ERC2: variants seen among roughly 807,000 people sequenced by gnomAD.
ERC2 encodes ERC protein 2.
Under a neutral mutation model 114.8 loss-of-function variants are expected in ERC2, and 42 were observed. The ratio of observed to expected loss-of-function variants is 0.37; its 90% CI spans 0.29 to 0.47. ERC2 has a LOEUF of 0.47. Among genes scored for constraint, ERC2 ranks in the 20% least tolerant of loss-of-function variants. The pLI, the probability that ERC2 is intolerant of heterozygous loss-of-function variation, is 0.99. For missense variants in ERC2, 939 were observed against 1,150.7 expected, an observed-to-expected ratio of 0.82 and a Z score of 2.66; for synonymous variants, 454 against 425.5, an observed-to-expected ratio of 1.07 and a Z score of -0.82.
Position 55,864,186 on chromosome 3 carries a change from T to TATATATATACAC in ERC2, c.2564+24191_2564+24202dup, listed in dbSNP as rs1164062315. Among the ~76,000 whole-genome samples the TATATATATACAC allele has an allele frequency of 1.2e-3, 162 of 139,618 alleles. 2 individuals are homozygous for TATATATATACAC. The highest frequency in any genetic ancestry group is 4.0e-3 in the African/African-American group (143 of 36,090). 91.6% of individuals were successfully genotyped at this position (139,618 alleles called of 152,430 possible). A position where few individuals can be genotyped will look rare whatever the true frequency, so the allele number is the denominator to read the frequency against. On this transcript the variant is annotated intron_variant, in intron 14 of 17. Transcript: ENST00000288221. ...ATATATACACATATATATATACACA[T>TATATATATACAC]ATATATATACACATATATATACACA...
rs549264304 is a variant in ERC2, at chr3:56,140,238, C to T, written c.1306-562G>A. ...CCAAAAAATCCATAATTCAATTCAC[C>T]AAAAAAGATCACTAGAATTACCCAT... On this transcript the variant is annotated intron_variant, in intron 5 of 17. Coordinates refer to ENST00000288221, the MANE Select transcript of ERC2 (RefSeq NM_015576.3). 2.6e-5 allele frequency among the ~76,000 whole-genome samples: 4 copies of T among 152,116 alleles called. No homozygotes were observed. The East Asian group carries it at 7.7e-4, about 29-fold the overall frequency.
intron 16 of ERC2, among the ~76,000 whole-genome samples, chr3:55,694,746 G>A (rs2062842130): frequency 6.6e-6 from 1 of 152,176 alleles, no homozygotes; most frequent in African/African-American, 2.4e-5. Context: ...AGCGGCAAGT[G>A]CTTTAACACA....
At chr3:56,145,413 A>G (rs960291635) in intron 5 of ERC2, among the ~76,000 whole-genome samples, 2 of 152,188 alleles carry the variant, frequency 1.3e-5, no homozygotes, top group Admixed American at 1.3e-4. Context: ...TTCTTTCCCT[A>G]CCAGAAAAAC....
chr3:56,332,590 G>A (rs2057675886), intron 2 of ERC2, among the ~76,000 whole-genome samples: 1 of 152,192 alleles, frequency 6.6e-6, no homozygotes, highest in East Asian at 1.9e-4. Context: ...TCAAATATGG[G>A]AGTGGGACAC....
intron 14 of ERC2, among the ~76,000 whole-genome samples, chr3:55,845,698 A>C (rs1359732296): frequency 6.6e-6 from 1 of 152,228 alleles, no homozygotes; most frequent in Non-Finnish European, 1.5e-5. Context: ...ATGAGTCTGA[A>C]TCTATAAGCC....
chr3:56,431,429 CG>C (rs945205901), intron 2 of ERC2, among the ~76,000 whole-genome samples: 1 of 152,198 alleles, frequency 6.6e-6, no homozygotes, highest in Non-Finnish European at 1.5e-5. Context: ...GCTGTGGCAA[CG>C]TTTGAAGCCA....
At position 55,733,548 on chromosome 3, in the gene ERC2, A is replaced by T. The variant is rs1453392617; in HGVS notation, c.2712+1223T>A. Among the ~76,000 whole-genome samples the T allele has an allele frequency of 4.4e-3, 576 of 131,082 alleles. 12 individuals are homozygous for T. Among genetic ancestry groups the T allele is most frequent in the African/African-American group, 0.017 (548 of 32,014 alleles). 86.0% of individuals were successfully genotyped at this position (131,082 alleles called of 152,430 possible). ...CTCATTCTTTCTCTCTCTCTCACAC[A>T]CACACACACACACACACACACACAC... On this transcript the variant is annotated intron_variant, in intron 15 of 17. Coordinates refer to ENST00000288221, the MANE Select transcript of ERC2 (RefSeq NM_015576.3).
At chr3:56,463,551 G>C (rs1286225287) in intron 1 of ERC2, among the ~76,000 whole-genome samples, 1 of 152,200 alleles carries the variant, frequency 6.6e-6, no homozygotes, top group Non-Finnish European at 1.5e-5. Context: ...TGAATGTTGG[G>C]TAGGCAACCA....
At chr3:55,513,615 C>A (rs1230175895) in intron 17 of ERC2, among the ~76,000 whole-genome samples, 1 of 147,566 alleles carries the variant, frequency 6.8e-6, no homozygotes, top group East Asian at 2.0e-4. Context: ...AGCGTGTGTG[C>A]ATGTATGTAT....
chr3:56,358,522 C>T (rs2058828722), intron 2 of ERC2, among the ~76,000 whole-genome samples: 2 of 152,216 alleles, frequency 1.3e-5, no homozygotes. Context: ...TTCAATCTAG[C>T]TTACATAGTC....
chr3:56,348,481 A>AT (rs1429626032), intron 2 of ERC2, among the ~76,000 whole-genome samples: 37 of 148,766 alleles, frequency 2.5e-4, no homozygotes, highest in African/African-American at 8.3e-4. Context: ...AAATATATAT[A>AT]TTTTTATTTA....
At chr3:56,128,793 T>C (rs1338509390) in intron 6 of ERC2, among the ~76,000 whole-genome samples, 1 of 152,150 alleles carries the variant, frequency 6.6e-6, no homozygotes, top group East Asian at 1.9e-4. Context: ...CTGGCATTGC[T>C]GGGGCTGGGC....
At position 55,913,459 on chromosome 3, in the gene ERC2, T is replaced by C. The variant is rs78646138; in HGVS notation, c.2404-24910A>G. The stretch of plus-strand genomic sequence containing the variant: ...GAAGGACATGTACATCTTTATGGTT[T>C]AGTGCACATACCTATAAATTGGTCT... On this transcript the variant is annotated intron_variant, in intron 13 of 17. Coordinates refer to ENST00000288221, the MANE Select transcript of ERC2 (RefSeq NM_015576.3). Among the ~76,000 whole-genome samples the C allele has an allele frequency of 5.1e-3, 781 of 152,338 alleles. 2 individuals are homozygous for C. Among genetic ancestry groups the C allele is most frequent in the Middle Eastern group, 0.014 (4 of 294 alleles).
intron 2 of ERC2, among the ~76,000 whole-genome samples, chr3:56,387,453 C>T (rs2059974582): frequency 6.6e-6 from 1 of 151,992 alleles, no homozygotes; most frequent in Non-Finnish European, 1.5e-5. Flanking sequence ...GGCAGTGGAC[C>T]ATACTAAATA....
intron 17 of ERC2, among the ~76,000 whole-genome samples, chr3:55,648,041 C>T (rs550229519): frequency 6.6e-6 from 1 of 152,294 alleles, no homozygotes. Context: ...TACAGCAAGA[C>T]GATGGGGCCA....
At chr3:56,238,153 C>T (rs1181166858) in intron 3 of ERC2, among the ~76,000 whole-genome samples, 1 of 152,122 alleles carries the variant, frequency 6.6e-6, no homozygotes, top group Non-Finnish European at 1.5e-5. Flanking sequence ...TGTTTGTTTT[C>T]TTAATTTAAT....
rs190410108 is a variant in ERC2, at chr3:55,989,572, A to G, written c.2255+2485T>C. ...CTTGACTGTTTAGTGCTGCTGTACTAGCTTCTTTCTTCTGGCCCATTAGCG... is the reference window on the plus strand; with the variant it reads ...CTTGACTGTTTAGTGCTGCTGTACTGGCTTCTTTCTTCTGGCCCATTAGCG... On this transcript the variant is annotated intron_variant, in intron 11 of 17. Coordinates refer to ENST00000288221, the MANE Select transcript of ERC2 (RefSeq NM_015576.3). Among the ~76,000 whole-genome samples, 4 of 152,318 alleles carry G rather than the reference A, an allele frequency of 2.6e-5. No homozygotes were observed. In the East Asian group the frequency reaches 7.7e-4, roughly 29 times the overall value.
intron 15 of ERC2, among the ~76,000 whole-genome samples, chr3:55,701,322 T>C (rs2063214475): frequency 2.0e-5 from 3 of 152,194 alleles, no homozygotes; most frequent in Admixed American, 1.3e-4. Context: ...GGAGATTTTC[T>C]GGGTCATCCA....
chr3:55,808,733 AT>A (rs1274115760), intron 14 of ERC2, among the ~76,000 whole-genome samples: 1,724 of 117,572 alleles, frequency 0.015, 52 homozygotes, highest in East Asian at 0.053. Flanking sequence ...ATATATATAT[AT>A]ATATATATAA....
Sources: gnomAD v4.1 joint callset for allele counts (sites outside exome capture counted in the v4.1 genomes callset) on GRCh38, gnomAD v4.1.1 for gene constraint, MANE v1.5 for transcripts, NCBI Gene and HGNC (gene_info 2026-07-23, HGNC 2026-07-21) for gene names.